MAP3K1: variants seen among roughly 807,000 people sequenced by gnomAD.
MAP3K1 encodes mitogen-activated protein kinase kinase kinase 1.
A neutral mutation model predicts 144.2 loss-of-function variants in MAP3K1; 36 were observed. That is an observed-to-expected ratio of 0.25 (90% CI 0.19 to 0.33). MAP3K1 has a LOEUF of 0.33. Ranked by LOEUF, MAP3K1 falls within the 10% of genes least tolerant of loss-of-function variation. The pLI, the probability that MAP3K1 is intolerant of heterozygous loss-of-function variation, is 1.00. For synonymous variants in MAP3K1, 718 were observed against 688.7 expected (o/e 1.04, Z -0.67); for missense variants, 1,650 against 1,881.9 (o/e 0.88, Z 2.28).
intron 1 of MAP3K1, among the ~76,000 whole-genome samples, chr5:56,821,546 G>C (rs1469412393): frequency 6.6e-6 from 1 of 152,170 alleles, no homozygotes; most frequent in Non-Finnish European, 1.5e-5. Context: ...CTTGACAGAT[G>C]TTATCATTAC....
Position 56,815,657 on chromosome 5 carries a change from A to T in MAP3K1, c.84A>T (p.Gly28=), listed in dbSNP as rs1387900709. 1 of 1,333,024 alleles carries T rather than the reference A, an allele frequency of 7.5e-7. No homozygotes were observed. The highest frequency in any genetic ancestry group is 1.9e-5 in the South Asian group (1 of 51,524). The allele number at this position is 1,333,024 out of a possible 1,614,324, so 82.6% of individuals were successfully genotyped here. The part of the protein sequence containing the change: ...RATSPEAGGG[G]GALKASSAPA... The stretch of plus-strand genomic sequence containing the variant: ...CGAGCCCTGAGGCAGGCGGCGGCGG[A>T]GGAGCCCTCAAGGCGAGCAGCGCGC... Residue 28 remains glycine, a synonymous_variant, in exon 1 of 20, where the codon GGA becomes GGT. Transcript: ENST00000399503.
intron 1 of MAP3K1, among the ~76,000 whole-genome samples, chr5:56,834,158 T>A (rs1160726755): frequency 6.6e-6 from 1 of 152,132 alleles, no homozygotes; most frequent in Non-Finnish European, 1.5e-5. Flanking sequence ...TGCTGGCCCA[T>A]AAGTCTTTTA....
At position 56,881,731 on chromosome 5, in the gene MAP3K1, C is replaced by G; in HGVS notation, c.2531C>G (p.Ser844Cys). ...AAACTGTTAGAAATGCTGAGTGTTT[C>G]CAGTTCCACTCACTTCACCAGGATG... ...FSKLLEMLSV[S>C]SSTHFTRMRR... Residue 844 changes from serine to cysteine, a missense_variant, in exon 14 of 20, where the codon TCC (serine) becomes TGC (cysteine). Ser to Cys is a moderately radical substitution (Grantham distance 112). Transcript: ENST00000399503. The G allele has an allele frequency of 1.2e-6, 2 of 1,614,086 alleles. No individual in the cohort carries two copies. The highest frequency in any genetic ancestry group is 1.1e-5 in the South Asian group (1 of 91,084).
Position 56,815,584 on chromosome 5 carries a change from C to T in MAP3K1, c.11C>T (p.Ala4Val), listed in dbSNP as rs1009619802. Residue 4 changes from alanine (A) to valine (V), a missense_variant, in exon 1 of 20, where the codon GCG (alanine) becomes GTG (valine). Transcript: ENST00000399503. ...AGCCCGCGAGAGAAAATGGCGGCGG[C>T]GGCGGGGAATCGCGCCTCGTCGTCG... is the stretch of plus-strand genomic sequence containing the variant. MAA[A>V]AGNRASSSGF... 1.0e-5 allele frequency: 13 copies of T among 1,298,138 alleles called. No individual in the cohort carries two copies. In the Admixed American group the frequency reaches 1.6e-4, roughly 16 times the overall value. 80.4% of individuals were successfully genotyped at this position (1,298,138 alleles called of 1,614,324 possible).
At chr5:56,887,052 C>T (rs1432514083) in intron 17 of MAP3K1, among the ~76,000 whole-genome samples, 4 of 152,172 alleles carry the variant, frequency 2.6e-5, no homozygotes, top group Non-Finnish European at 5.9e-5. Context: ...CGTCAGCCAC[C>T]GTACCTGGCC....
intron 10 of MAP3K1, among the ~76,000 whole-genome samples, chr5:56,878,177 T>G (rs546607175): frequency 3.9e-5 from 6 of 152,154 alleles, no homozygotes; most frequent in Non-Finnish European, 8.8e-5. Context: ...CTATTTCACC[T>G]CAAAATTTTG....
At position 56,827,692 on chromosome 5, in the gene MAP3K1, C is replaced by T. The variant is rs1410849178; in HGVS notation, c.482+11637C>T. ...CAGCCAGGCCAACATGGTGAAACCCCGTCTCTACTAAAAATACAAAAATTA... is the reference window on the plus strand; with the variant it reads ...CAGCCAGGCCAACATGGTGAAACCCTGTCTCTACTAAAAATACAAAAATTA... On this transcript the variant is annotated intron_variant, in intron 1 of 19. Coordinates refer to ENST00000399503, the MANE Select transcript of MAP3K1 (RefSeq NM_005921.2). Among the ~76,000 whole-genome samples the T allele has an allele frequency of 2.6e-5, 4 of 152,052 alleles. No individual in the cohort carries two copies. The East Asian group carries it at 5.8e-4, about 22-fold the overall frequency.
At chr5:56,880,864 C>T in intron 12 of MAP3K1, 62 bp downstream of exon 12, 1 of 1,357,458 alleles carries the variant, frequency 7.4e-7, no homozygotes, top group Non-Finnish European at 1.0e-6. Flanking sequence ...GCAGCCTTGT[C>T]TAATCTCATA....
intron 3 of MAP3K1, among the ~76,000 whole-genome samples, chr5:56,861,593 G>GGGGA (rs1270283276): frequency 6.7e-6 from 1 of 149,116 alleles, no homozygotes. Context: ...AAAAAAAAGG[G>GGGGA]GCTATTAAAA....
chr5:56,834,713 CAAA>C lies in MAP3K1; in HGVS notation c.482+18659_482+18661del, dbSNP rs144156021. 7.9e-3 allele frequency among the ~76,000 whole-genome samples: 1,194 copies of C among 152,030 alleles called. 19 individuals carry two copies. The highest frequency in any genetic ancestry group is 0.027 in the African/African-American group (1,138 of 41,476). On this transcript the variant is annotated intron_variant, in intron 1 of 19. Transcript: ENST00000399503. ...AACAGAGCAAGACTCCATCTCAAAACAAAGAAAGAAAAAAGATGAGAGAAATAT... is the reference window on the plus strand; with the variant it reads ...AACAGAGCAAGACTCCATCTCAAAACGAAAGAAAAAAGATGAGAGAAATAT...
chr5:56,821,542 A>C (rs2111748561), intron 1 of MAP3K1, among the ~76,000 whole-genome samples: 1 of 152,320 alleles, frequency 6.6e-6, no homozygotes, highest in East Asian at 1.9e-4. Context: ...TGCTCTTGAC[A>C]GATGTTATCA....
At position 56,883,611 on chromosome 5, in the gene MAP3K1, C is replaced by T. The variant is rs1748292132; in HGVS notation, c.3751C>T (p.Leu1251Phe). The change falls in exon 15 of 20, where the codon CTT (leucine) becomes TTT (phenylalanine). Residue 1251 changes from leucine (L) to phenylalanine (F), a missense_variant. Transcript: ENST00000399503. ...TEWLKGQQIG[L>F]GAFSSCYQAQ... ...ATGGCTGAAAGGTCAACAGATAGGC[C>T]TTGGAGCATTTTCTTCTTGTTATCA... 6.2e-7 allele frequency: 1 copy of T among 1,614,062 alleles called. No homozygotes were observed. Among genetic ancestry groups the T allele is most frequent in the African/African-American group, 1.3e-5 (1 of 75,034 alleles).
At chr5:56,839,904 C>CTTG (rs34627871) in intron 1 of MAP3K1, among the ~76,000 whole-genome samples, 117,387 of 151,804 alleles carry the variant, frequency 0.77, 45,724 homozygotes, top group Non-Finnish European at 0.82. Context: ...AAATAATCAT[C>CTTG]TTATTAATGT....
chr5:56,863,644 CTT>C (rs1266130167), intron 3 of MAP3K1, among the ~76,000 whole-genome samples: 1 of 152,166 alleles, frequency 6.6e-6, no homozygotes, highest in Non-Finnish European at 1.5e-5. Flanking sequence ...TCTCATTTCT[CTT>C]GAGTTTATAC....
intron 6 of MAP3K1, among the ~76,000 whole-genome samples, chr5:56,866,974 G>C (rs1424460401): frequency 6.6e-6 from 1 of 152,168 alleles, no homozygotes; most frequent in Non-Finnish European, 1.5e-5. Context: ...GGTATAGCCA[G>C]AACCTGGGTA....
At chr5:56,819,400 G>A (rs1296965427) in intron 1 of MAP3K1, among the ~76,000 whole-genome samples, 1 of 150,408 alleles carries the variant, frequency 6.6e-6, no homozygotes, top group African/African-American at 2.5e-5. Flanking sequence ...ATTTCAAAAT[G>A]TGGGAAGAAA....
rs139140992 is a variant in MAP3K1, at chr5:56,817,211, CTTGT to C, written c.482+1167_482+1170del. 9.4e-3 allele frequency: 4,697 copies of C among 498,952 alleles called. 63 individuals carry two copies. Among genetic ancestry groups the C allele is most frequent in the African/African-American group, 0.041 (1,981 of 47,816 alleles). 30.9% of individuals were successfully genotyped at this position (498,952 alleles called of 1,614,324 possible). On this transcript the variant is annotated intron_variant, in intron 1 of 19. Transcript: ENST00000399503. ...TTCTTTTAAGTGTGACAGCTACATC[CTTGT>C]TTGTTTGTTTTTTAAAAACCTGATT... is the stretch of plus-strand genomic sequence containing the variant.
intron 13 of MAP3K1, 85 bp from the exon 14 acceptor site, chr5:56,881,485 G>A: frequency 8.8e-7 from 1 of 1,137,862 alleles, no homozygotes; most frequent in Non-Finnish European, 1.3e-6. Context: ...AAGTATACAT[G>A]CTGTAAATTA....
intron 1 of MAP3K1, among the ~76,000 whole-genome samples, chr5:56,830,833 ATCTG>A (rs1746463514): frequency 6.6e-6 from 1 of 151,534 alleles, no homozygotes; most frequent in Non-Finnish European, 1.5e-5. Flanking sequence ...GAGTTTAAAA[ATCTG>A]TCACAAAATT....
Sources: gnomAD v4.1 joint callset for allele counts (sites outside exome capture counted in the v4.1 genomes callset) on GRCh38, gnomAD v4.1.1 for gene constraint, MANE v1.5 for transcripts, NCBI Gene and HGNC (gene_info 2026-07-23, HGNC 2026-07-21) for gene names.